FRMD4A: variants seen among roughly 807,000 people sequenced by gnomAD.
The protein encoded by FRMD4A is FERM domain-containing protein 4A.
In FRMD4A, 29 loss-of-function variants were observed where a neutral mutation model predicts 129.1. The observed-to-expected ratio is 0.22, with a 90% confidence interval of 0.17 to 0.31. The LOEUF (loss-of-function observed/expected upper bound fraction) is 0.31. FRMD4A is among the 10% of genes least tolerant of loss of function. FRMD4A has a pLI of 1.00. For synonymous variants in FRMD4A, 634 were observed against 571.6 expected, an observed-to-expected ratio of 1.11 and a Z score of -1.56; for missense variants, 1,272 against 1,375.8, an observed-to-expected ratio of 0.92 and a Z score of 1.19.
intron 2 of FRMD4A, among the ~76,000 whole-genome samples, chr10:14,110,125 T>TTAAAAAAAAAA (rs372420987): frequency 0.095 from 8,431 of 89,014 alleles, 2,103 homozygotes; most frequent in Non-Finnish European, 0.11. Context: ...CGAGATGCTG[T>TTAAAAAAAAAA]AAAAAAAAAA....
At position 13,775,160 on chromosome 10, in the gene FRMD4A, A is replaced by G. The variant is rs1053738278; in HGVS notation, c.384+7762T>C. 3.3e-5 allele frequency among the ~76,000 whole-genome samples: 5 copies of G among 152,180 alleles called. No individual in the cohort carries two copies. The South Asian group carries it at 8.3e-4, about 25-fold the overall frequency. ...AGAGAGGACACAGGCAAGAGGGGAG[A>G]AGATGTCAAAGAAACAATCCAAAAA... On this transcript the variant is annotated intron_variant, in intron 6 of 24. Coordinates refer to ENST00000357447, the MANE Select transcript of FRMD4A (RefSeq NM_018027.5).
chr10:14,172,362 G>A (rs540361607), intron 2 of FRMD4A, among the ~76,000 whole-genome samples: 2 of 152,166 alleles, frequency 1.3e-5, no homozygotes, highest in Non-Finnish European at 2.9e-5. Context: ...GCCATGATGT[G>A]AGTGATACTG....
intron 2 of FRMD4A, among the ~76,000 whole-genome samples, chr10:13,915,355 AAGTGGAAAGG>A (rs1468215551): frequency 6.6e-6 from 1 of 151,516 alleles, no homozygotes; most frequent in Non-Finnish European, 1.5e-5. Context: ...AGGACCAACT[AAGTGGAAAGG>A]GTCAGGAAGC....
intron 2 of FRMD4A, among the ~76,000 whole-genome samples, chr10:13,902,456 G>GGAGAGAGAGAGAGAGA (rs140040052): frequency 0.023 from 2,880 of 127,648 alleles, 144 homozygotes; most frequent in Non-Finnish European, 0.027. Context: ...GCAAAATACT[G>GGAGAGAGAGAGAGAGA]GAGAGAGAGA....
intron 2 of FRMD4A, among the ~76,000 whole-genome samples, chr10:14,318,821 A>C (rs560256858): frequency 6.6e-6 from 1 of 152,314 alleles, no homozygotes; most frequent in South Asian, 2.1e-4. Context: ...CATGTCCTTC[A>C]TCAAGAGGCA....
chr10:13,963,362 A>G (rs996524518), intron 2 of FRMD4A, among the ~76,000 whole-genome samples: 5 of 150,074 alleles, frequency 3.3e-5, no homozygotes, highest in African/African-American at 1.2e-4. Context: ...AATAATATGC[A>G]GGGCATCGCT....
chr10:14,275,443 T>A (rs1845304843), intron 2 of FRMD4A, among the ~76,000 whole-genome samples: 1 of 152,208 alleles, frequency 6.6e-6, no homozygotes, highest in East Asian at 1.9e-4. Flanking sequence ...ACACAACTTG[T>A]GTTTCCATAA....
chr10:14,169,816 G>A (rs2131883477), intron 2 of FRMD4A, among the ~76,000 whole-genome samples: 1 of 152,290 alleles, frequency 6.6e-6, no homozygotes, highest in Non-Finnish European at 1.5e-5. Context: ...AGTATAGGCT[G>A]TCATAGGCTT....
intron 16 of FRMD4A, among the ~76,000 whole-genome samples, chr10:13,673,118 C>T (rs1027363387): frequency 6.6e-5 from 10 of 152,070 alleles, no homozygotes; most frequent in Non-Finnish European, 1.0e-4. Context: ...AAAAACAAAA[C>T]AAGGCTTTCC....
At chr10:14,109,881 A>T (rs1236949691) in intron 2 of FRMD4A, among the ~76,000 whole-genome samples, 2 of 151,786 alleles carry the variant, frequency 1.3e-5, no homozygotes, top group East Asian at 3.9e-4. Context: ...TTGAGGCAGG[A>T]GAATCGCTTG....
At chr10:14,292,295 G>T (rs1351303991) in intron 2 of FRMD4A, among the ~76,000 whole-genome samples, 2 of 152,196 alleles carry the variant, frequency 1.3e-5, no homozygotes, top group Non-Finnish European at 2.9e-5. Flanking sequence ...ATGTGTATGA[G>T]AAATAAGCCA....
At chr10:13,922,303 A>T (rs983017454) in intron 2 of FRMD4A, among the ~76,000 whole-genome samples, 1 of 114 alleles carries the variant, frequency 8.8e-3, no homozygotes, top group Non-Finnish European at 0.023. Flanking sequence ...TGAAGAATTA[A>T]AAAAAAAAAA....
intron 2 of FRMD4A, among the ~76,000 whole-genome samples, chr10:13,884,162 A>ACACTCACACG (rs2094583589): frequency 6.1e-5 from 1 of 16,306 alleles, no homozygotes; most frequent in Non-Finnish European, 2.1e-4. Flanking sequence ...ACTCTCACAC[A>ACACTCACACG]CACACTCACA....
chr10:14,317,793 T>G (rs1454511130), intron 2 of FRMD4A, among the ~76,000 whole-genome samples: 1 of 151,100 alleles, frequency 6.6e-6, no homozygotes, highest in African/African-American at 2.4e-5. Context: ...CAGTTCTTTC[T>G]TCTTGGGAAA....
Position 14,039,407 on chromosome 10 carries a change from C to CTATCTATCT in FRMD4A, c.46-180496_46-180495insAGATAGATA, listed in dbSNP as rs1833672639. On this transcript the variant is annotated intron_variant, in intron 2 of 24. Transcript: ENST00000357447. ...CCATCCATCCATCCATCCATCCATCCATCTATCTATCTATCTATCTATCTA... is the reference window on the plus strand; with the variant it reads ...CCATCCATCCATCCATCCATCCATCCTATCTATCTATCTATCTATCTATCTATCTATCTA... Among the ~76,000 whole-genome samples, 114 of 147,810 alleles carry CTATCTATCT rather than the reference C, an allele frequency of 7.7e-4. 2 individuals are homozygous for CTATCTATCT. Among genetic ancestry groups the CTATCTATCT allele is most frequent in the African/African-American group, 2.8e-3 (108 of 38,698 alleles).
At chr10:13,708,484 A>T (rs960248311) in intron 12 of FRMD4A, among the ~76,000 whole-genome samples, 1 of 152,254 alleles carries the variant, frequency 6.6e-6, no homozygotes, top group Non-Finnish European at 1.5e-5. Flanking sequence ...ACTGGGAAGG[A>T]GAATATCTAT....
At chr10:13,726,619 G>A (rs564203628) in intron 12 of FRMD4A, among the ~76,000 whole-genome samples, 3 of 152,258 alleles carry the variant, frequency 2.0e-5, no homozygotes, top group South Asian at 2.1e-4. Context: ...AGTCTCAGGC[G>A]GGGATCCTTA....
chr10:13,999,254 A>G (rs1429620143), intron 2 of FRMD4A, among the ~76,000 whole-genome samples: 2 of 151,778 alleles, frequency 1.3e-5, no homozygotes, highest in African/African-American at 4.8e-5. Flanking sequence ...TCTTTAGAGA[A>G]CTCATCACCA....
At position 13,751,002 on chromosome 10, in the gene FRMD4A, C is replaced by T. The variant is rs1257323107; in HGVS notation, c.465-3183G>A. Among the ~76,000 whole-genome samples, 2 of 152,170 alleles carry T rather than the reference C, an allele frequency of 1.3e-5. 1 individual carries two copies. The highest frequency in any genetic ancestry group is 3.8e-4 in the East Asian group (2 of 5,200). On this transcript the variant is annotated intron_variant, in intron 8 of 24. Coordinates refer to ENST00000357447, the MANE Select transcript of FRMD4A (RefSeq NM_018027.5). ...AGAAAAGGGATTTGATTTATTGGTCCATCAGCACACAGAGGGCTGGCTTCA... is the reference window on the plus strand; with the variant it reads ...AGAAAAGGGATTTGATTTATTGGTCTATCAGCACACAGAGGGCTGGCTTCA...
Sources: gnomAD v4.1 joint callset for allele counts (sites outside exome capture counted in the v4.1 genomes callset) on GRCh38, gnomAD v4.1.1 for gene constraint, MANE v1.5 for transcripts, NCBI Gene and HGNC (gene_info 2026-07-23, HGNC 2026-07-21) for gene names.